Variants in NR1D2 observed in about 807,000 individuals in gnomAD.
NR1D2 encodes V-erbA-related protein 1-related.
A neutral mutation model predicts 52.2 loss-of-function variants in NR1D2; 25 were observed. The ratio of observed to expected loss-of-function variants is 0.48; its 90% CI spans 0.35 to 0.67. The LOEUF (loss-of-function observed/expected upper bound fraction) is 0.67, where lower values mean the gene tolerates loss of function less well. Ranked by LOEUF, NR1D2 falls within the 30% of genes least tolerant of loss-of-function variation. The pLI is 0.01. For missense variants in NR1D2, 681 were observed against 707.2 expected (o/e 0.96, Z 0.42); for synonymous variants, 259 against 230.1 (o/e 1.13, Z -1.14).
At chr3:23,961,689 C>G (rs1706251425) in intron 4 of NR1D2, among the ~76,000 whole-genome samples, 2 of 152,078 alleles carry the variant, frequency 1.3e-5, no homozygotes, top group Admixed American at 6.5e-5. Context: ...AGCTACTGCA[C>G]CCATCCGAAT....
At chr3:23,954,396 T>A (rs1706028931) in intron 1 of NR1D2, 141 bp from the exon 2 acceptor site, 2 of 717,770 alleles carry the variant, frequency 2.8e-6, no homozygotes, top group Non-Finnish European at 4.6e-6. Flanking sequence ...GGAAATACTT[T>A]ATTTTTTGCT....
Position 23,953,342 on chromosome 3 carries a change from C to CAAAAAAAAA in NR1D2, c.17-1174_17-1166dup, listed in dbSNP as rs55698030. ...TGGGTGACAGAGTGAGACTCTGTCT[C>CAAAAAAAAA]AAAAAAAAAAAAAAAAAAAAAAAAA... is the stretch of plus-strand genomic sequence containing the variant. On this transcript the variant is annotated intron_variant, in intron 1 of 7. Coordinates refer to ENST00000312521, the MANE Select transcript of NR1D2 (RefSeq NM_005126.5). Among the ~76,000 whole-genome samples, 97 of 52,460 alleles carry CAAAAAAAAA rather than the reference C, an allele frequency of 1.8e-3. 1 individual carries two copies. The highest frequency in any genetic ancestry group is 5.7e-3 in the African/African-American group (91 of 15,970). 34.4% of individuals were successfully genotyped at this position (52,460 alleles called of 152,430 possible).
chr3:23,945,381 G>A lies in NR1D2; in HGVS notation c.-198G>A. 1 of 175,404 alleles carries A rather than the reference G, an allele frequency of 5.7e-6. No individual in the cohort carries two copies. The highest frequency in any genetic ancestry group is 1.2e-5 in the Non-Finnish European group (1 of 85,200). The allele number at this position is 175,404 out of a possible 1,614,324, so 10.9% of individuals were successfully genotyped here. On this transcript the variant is annotated 5_prime_UTR_variant, in exon 1 of 8. Transcript: ENST00000312521. ...ACCCAGCGAGGAGCGCCGCTCGCCGGCCGCCGCCACCCTCTCTCGCTGCAG... is the reference window on the plus strand; with the variant it reads ...ACCCAGCGAGGAGCGCCGCTCGCCGACCGCCGCCACCCTCTCTCGCTGCAG...
intron 3 of NR1D2, 22 bp downstream of exon 3, chr3:23,956,147 TTAAGC>T (rs753411054): frequency 3.2e-6 from 5 of 1,574,492 alleles, no homozygotes; most frequent in Non-Finnish European, 4.4e-6. Context: ...TTTTGTTTCT[TTAAGC>T]TACTGATTCT....
chr3:23,974,255 G>A (rs959503756), intron 7 of NR1D2, among the ~76,000 whole-genome samples: 3 of 151,938 alleles, frequency 2.0e-5, no homozygotes, highest in African/African-American at 7.3e-5. Flanking sequence ...AAAAAGTATA[G>A]TATAGTAAAT....
At chr3:23,964,146 T>G (rs1706374902) in intron 5 of NR1D2, among the ~76,000 whole-genome samples, 1 of 151,796 alleles carries the variant, frequency 6.6e-6, no homozygotes, top group Non-Finnish European at 1.5e-5. Flanking sequence ...TGGTATGATC[T>G]CGGCTCACTG....
chr3:23,946,032 CGCGCGCGCGCGCGCTGGCTGGGA>C (rs1705683862), intron 1 of NR1D2: 2 of 667,562 alleles, frequency 3.0e-6, no homozygotes, highest in African/African-American at 2.0e-5. Flanking sequence ...GGGGCGGGGG[CGCGCGCGCGCGCGCTGGCTGGGA>C]GCGCCGCAGC....
chr3:23,967,863 C>T lies in NR1D2; in HGVS notation c.1383C>T (p.Val461=). 1.2e-6 allele frequency: 2 copies of T among 1,614,018 alleles called. No individual in the cohort carries two copies. The highest frequency in any genetic ancestry group is 1.7e-6 in the Non-Finnish European group (2 of 1,179,958). ...ASLFDAKERT[V]TFLSGKKYSV... is the part of the protein sequence containing the mutation. Reference sequence around the variant, plus strand: ...TATTTGATGCAAAGGAACGTACTGTCACCTTTTTAAGTGGAAAGAAATATA... The same window carrying T: ...TATTTGATGCAAAGGAACGTACTGTTACCTTTTTAAGTGGAAAGAAATATA... Residue 461 remains valine, a synonymous_variant, in exon 7 of 8, where the codon GTC becomes GTT. Transcript: ENST00000312521.
chr3:23,946,030 GGC>G (rs561849691), intron 1 of NR1D2: 2,565 of 835,130 alleles, frequency 3.1e-3, no homozygotes, highest in Middle Eastern at 5.4e-3. Flanking sequence ...TGGGGGCGGG[GGC>G]GCGCGCGCGC....
intron 4 of NR1D2, among the ~76,000 whole-genome samples, chr3:23,960,387 A>G (rs376736436): frequency 3.2e-4 from 49 of 152,124 alleles, no homozygotes; most frequent in African/African-American, 1.2e-3. Flanking sequence ...CCTGGGTGAC[A>G]CGGTGACACT....
Position 23,972,415 on chromosome 3 carries a change from T to C in NR1D2, c.1543+4392T>C, listed in dbSNP as rs148850763. Reference sequence around the variant, plus strand: ...AAATCTCAAACATGATGTTTGCCTGTAAGATTGGAAGAATCCTAGTATCAT... The same window carrying C: ...AAATCTCAAACATGATGTTTGCCTGCAAGATTGGAAGAATCCTAGTATCAT... On this transcript the variant is annotated intron_variant, in intron 7 of 7. Coordinates refer to ENST00000312521, the MANE Select transcript of NR1D2 (RefSeq NM_005126.5). 9.1e-4 allele frequency among the ~76,000 whole-genome samples: 138 copies of C among 152,338 alleles called. 1 individual carries two copies. Among genetic ancestry groups the C allele is most frequent in the African/African-American group, 2.8e-3 (118 of 41,578 alleles).
chr3:23,954,795 G>T lies in NR1D2; in HGVS notation c.275G>T (p.Gly92Val). 6.2e-7 allele frequency: 1 copy of T among 1,612,234 alleles called. No individual in the cohort carries two copies. The highest frequency in any genetic ancestry group is 8.5e-7 in the Non-Finnish European group (1 of 1,178,364). ...SAPGMTKSHSGVTKFSGMVLL... is the reference protein window; with the variant it reads ...SAPGMTKSHSVVTKFSGMVLL... ...CCTGGGATGACAAAAAGTCATAGTG[G>T]TGTGACAAGTAAGTTACTTTGGTTT... Residue 92 changes from glycine (G) to valine (V), a missense_variant, in exon 2 of 8, where the codon GGT (glycine) becomes GTT (valine). Around this residue, in one of 3 missense-constraint regions of NR1D2, gnomAD observed 112 missense variants for 162.3 expected, o/e 0.69. Coordinates refer to ENST00000312521, the MANE Select transcript of NR1D2 (RefSeq NM_005126.5).
chr3:23,965,967 C>G (rs1706439306), intron 6 of NR1D2, among the ~76,000 whole-genome samples: 1 of 152,184 alleles, frequency 6.6e-6, no homozygotes, highest in African/African-American at 2.4e-5. Context: ...CTTCAGGATC[C>G]TTGGCTACTT....
At chr3:23,974,254 A>G (rs1042469610) in intron 7 of NR1D2, among the ~76,000 whole-genome samples, 9 of 152,128 alleles carry the variant, frequency 5.9e-5, no homozygotes, top group Non-Finnish European at 1.2e-4. Flanking sequence ...TAAAAAGTAT[A>G]GTATAGTAAA....
chr3:23,960,788 G>C (rs910989479), intron 4 of NR1D2, among the ~76,000 whole-genome samples: 8 of 152,216 alleles, frequency 5.3e-5, no homozygotes, highest in Non-Finnish European at 5.9e-5. Context: ...TTTGTGAAGG[G>C]AGGAGTAGAG....
At position 23,967,921 on chromosome 3, in the gene NR1D2, G is replaced by T; in HGVS notation, c.1441G>T (p.Asp481Tyr). Residue 481 changes from aspartate to tyrosine, a missense_variant, in exon 7 of 8, where the codon GAT (aspartate) becomes TAT (tyrosine). Physicochemically the swap from Asp to Tyr is radical, Grantham distance 160. Coordinates refer to ENST00000312521, the MANE Select transcript of NR1D2 (RefSeq NM_005126.5). ...VDDLHSMGAGDLLNSMFEFSE... is the reference protein window; with the variant it reads ...VDDLHSMGAGYLLNSMFEFSE... Reference sequence around the variant, plus strand: ...TGATTTACACTCAATGGGAGCAGGGGATCTGCTAAACTCTATGTTTGAATT... The same window carrying T: ...TGATTTACACTCAATGGGAGCAGGGTATCTGCTAAACTCTATGTTTGAATT... The T allele has an allele frequency of 1.2e-6, 2 of 1,612,938 alleles. No individual in the cohort carries two copies. Among genetic ancestry groups the T allele is most frequent in the Non-Finnish European group, 1.7e-6 (2 of 1,178,900 alleles).
At chr3:23,959,065 C>T (rs1218128295) in intron 3 of NR1D2, among the ~76,000 whole-genome samples, 1 of 152,138 alleles carries the variant, frequency 6.6e-6, no homozygotes, top group African/African-American at 2.4e-5. Flanking sequence ...CCCTGGAGTT[C>T]AAGACCAGCC....
At chr3:23,962,698 T>C in intron 5 of NR1D2, 93 bp downstream of exon 5, 4 of 1,245,558 alleles carry the variant, frequency 3.2e-6, no homozygotes, top group Non-Finnish European at 4.5e-6. Context: ...GGGGGGATGG[T>C]GTCAGGAAAC....
intron 7 of NR1D2, among the ~76,000 whole-genome samples, chr3:23,971,543 A>G (rs992564025): frequency 1.5e-4 from 23 of 152,128 alleles, no homozygotes; most frequent in Non-Finnish European, 5.9e-5. Flanking sequence ...TGTTGGGATT[A>G]TAGGCGTGAG....
Sources: allele counts gnomAD v4.1 joint callset (sites outside exome capture counted in the v4.1 genomes callset), GRCh38; gene constraint gnomAD v4.1.1; regional missense constraint gnomAD v4.1.1; transcripts MANE v1.5; gene names NCBI Gene and HGNC (gene_info 2026-07-23, HGNC 2026-07-21).